Variants in CCDC92 observed in about 807,000 individuals in gnomAD.
CCDC92 encodes the protein coiled-coil domain-containing protein 92.
Under a neutral mutation model 24.9 loss-of-function variants are expected in CCDC92, and 12 were observed. That is an observed-to-expected ratio of 0.48 (90% CI 0.31 to 0.78). The LOEUF (loss-of-function observed/expected upper bound fraction) is 0.78, where lower values mean the gene tolerates loss of function less well. Ranked by LOEUF, CCDC92 falls within the 30% of genes least tolerant of loss-of-function variation. The pLI, the probability that CCDC92 is intolerant of heterozygous loss-of-function variation, is 0.05. For synonymous variants in CCDC92, 193 were observed against 196.3 expected (o/e 0.98, Z 0.14); for missense variants, 399 against 439.4 (o/e 0.91, Z 0.82).
chr12:123,969,167 A>T (rs1464911611), intron 1 of CCDC92, among the ~76,000 whole-genome samples: 1 of 152,188 alleles, frequency 6.6e-6, no homozygotes, highest in African/African-American at 2.4e-5. Context: ...CATCATTCTC[A>T]AGATTGGTTT....
At position 123,969,709 on chromosome 12, in the gene CCDC92, G is replaced by A. The variant is rs536895972; in HGVS notation, c.-60+2820C>T. ...GATCTCTTGACCTCGTGATCTGCCC[G>A]CCTCGGCCTCAGGAGTGAGCCACTG... is the stretch of plus-strand genomic sequence containing the variant. On this transcript the variant is annotated intron_variant, in intron 1 of 4. Transcript: ENST00000238156. 3.3e-5 allele frequency among the ~76,000 whole-genome samples: 5 copies of A among 152,010 alleles called. No individual in the cohort carries two copies. The South Asian group carries it at 8.3e-4, about 25-fold the overall frequency.
Position 123,936,224 on chromosome 12 carries a change from G to C in CCDC92, c.*834C>G, listed in dbSNP as rs185265289. The C allele has an allele frequency of 6.6e-6, 1 of 152,644 alleles. No individual in the cohort carries two copies. The highest frequency in any genetic ancestry group is 1.5e-5 in the Non-Finnish European group (1 of 68,278). 9.5% of individuals were successfully genotyped at this position (152,644 alleles called of 1,614,324 possible). ...GGGGCTAGCACGGGCAGCACAGTGG[G>C]CAGGGGCCATCAGAGGCAAAAGCAG... is the stretch of plus-strand genomic sequence containing the variant. On this transcript the variant is annotated 3_prime_UTR_variant, in exon 5 of 5. Coordinates refer to ENST00000238156, the MANE Select transcript of CCDC92 (RefSeq NM_025140.3).
intron 4 of CCDC92, among the ~76,000 whole-genome samples, chr12:123,942,421 T>C (rs1309448067): frequency 6.6e-6 from 1 of 152,256 alleles, no homozygotes; most frequent in African/African-American, 2.4e-5. Context: ...CTTTTGGGTT[T>C]AACTCACGTC....
intron 1 of CCDC92, 142 bp from the exon 2 acceptor site, chr12:123,944,506 A>G: frequency 1.9e-6 from 1 of 514,224 alleles, no homozygotes; most frequent in East Asian, 3.5e-5. Context: ...GACGCAGCCC[A>G]TTTGTAGGAT....
chr12:123,958,894 G>T (rs568620685), intron 1 of CCDC92, among the ~76,000 whole-genome samples: 4 of 152,132 alleles, frequency 2.6e-5, no homozygotes, highest in Non-Finnish European at 5.9e-5. Flanking sequence ...TGATCCTCTC[G>T]TCAGAATTCA....
At chr12:123,958,127 C>T (rs1956193040) in intron 1 of CCDC92, among the ~76,000 whole-genome samples, 1 of 152,156 alleles carries the variant, frequency 6.6e-6, no homozygotes, top group Non-Finnish European at 1.5e-5. Flanking sequence ...GATCTCAGCT[C>T]ACCACAACCT....
chr12:123,957,804 G>T (rs375032265), intron 1 of CCDC92, among the ~76,000 whole-genome samples: 3 of 136,094 alleles, frequency 2.2e-5, no homozygotes, highest in East Asian at 4.5e-4. Flanking sequence ...CACCTCCCAC[G>T]TTCAAGTGAT....
chr12:123,954,139 T>A (rs949190761), intron 1 of CCDC92, among the ~76,000 whole-genome samples: 5 of 152,114 alleles, frequency 3.3e-5, no homozygotes, highest in African/African-American at 1.2e-4. Context: ...CAAAGTAGTA[T>A]CATATGTTTT....
At chr12:123,947,799 C>T (rs1955917017) in intron 1 of CCDC92, among the ~76,000 whole-genome samples, 1 of 152,148 alleles carries the variant, frequency 6.6e-6, no homozygotes, top group Non-Finnish European at 1.5e-5. Flanking sequence ...AGTGGCAACC[C>T]GCTCGGGTCC....
chr12:123,963,133 C>T (rs117006952), intron 1 of CCDC92, among the ~76,000 whole-genome samples: 3 of 152,152 alleles, frequency 2.0e-5, no homozygotes, highest in South Asian at 4.1e-4. Flanking sequence ...CAGACCATAA[C>T]GCACAGGACA....
In CCDC92 at chr12:123,937,753, C is replaced by G. The variant is rs184378821; in HGVS notation, c.301G>C (p.Glu101Gln). 1.5e-5 allele frequency: 25 copies of G among 1,614,046 alleles called. No individual in the cohort carries two copies. Among genetic ancestry groups the G allele is most frequent in the Non-Finnish European group, 2.0e-5 (24 of 1,180,028 alleles). Reference sequence around the variant, plus strand: ...AGTTCTTTCAACAACTCAGCATTTTCGTTCTCTTTCACTTTCAGTTGGGCT... The same window carrying G: ...AGTTCTTTCAACAACTCAGCATTTTGGTTCTCTTTCACTTTCAGTTGGGCT... Reference protein sequence around the residue: ...LEAQLKVKENENAELLKELEQ... With the variant: ...LEAQLKVKENQNAELLKELEQ... Residue 101 changes from glutamate to glutamine, a missense_variant, in exon 5 of 5, where the codon GAA (glutamate) becomes CAA (glutamine). Transcript: ENST00000238156. The surrounding 1 kb of genome is among the most constrained non-coding windows in gnomAD (Gnocchi z 8.4).
chr12:123,972,249 T>C (rs879358986), intron 1 of CCDC92, among the ~76,000 whole-genome samples: 3 of 150,292 alleles, frequency 2.0e-5, no homozygotes, highest in Non-Finnish European at 4.4e-5. Context: ...GGCGCGGGGG[T>C]CGCCGAGCCT....
chr12:123,953,656 C>T (rs1360790771), intron 1 of CCDC92, among the ~76,000 whole-genome samples: 1 of 152,096 alleles, frequency 6.6e-6, no homozygotes. Flanking sequence ...CACACGCCTG[C>T]GGTCCTAGCT....
At chr12:123,949,568 C>T (rs1275485404) in intron 1 of CCDC92, among the ~76,000 whole-genome samples, 1 of 152,246 alleles carries the variant, frequency 6.6e-6, no homozygotes, top group Non-Finnish European at 1.5e-5. Flanking sequence ...CCAGCAGAAG[C>T]AATGCAAATG....
At chr12:123,949,105 A>G (rs1041866113) in intron 1 of CCDC92, among the ~76,000 whole-genome samples, 2 of 152,230 alleles carry the variant, frequency 1.3e-5, no homozygotes, top group Admixed American at 6.5e-5. Context: ...TAAAAGGGTC[A>G]GCGTGGCAGA....
rs758442339 is a variant in CCDC92 at position 123,937,319 on chromosome 12, T to C, written c.735A>G (p.Pro245=). 3.7e-6 allele frequency: 6 copies of C among 1,613,522 alleles called. No homozygotes were observed. The highest frequency in any genetic ancestry group is 4.2e-6 in the Non-Finnish European group (5 of 1,180,000). Residue 245 remains proline, a synonymous_variant, in exon 5 of 5, where the codon CCA becomes CCG. Transcript: ENST00000238156. This position sits in a 1 kb window ranked among gnomAD's most constrained non-coding sequence, Gnocchi z 8.4. ...EPVDAMPDPT[P]FLLARESAEV... ...CGGCGGACTCCCTAGCCAGCAGAAA[T>C]GGGGTGGGGTCGGGCATAGCATCCA...
At chr12:123,968,339 G>A (rs1443363897) in intron 1 of CCDC92, 1 of 152,176 alleles carries the variant, frequency 6.6e-6, no homozygotes, top group Non-Finnish European at 1.5e-5. Flanking sequence ...GATTAACAAA[G>A]AAGTCTTTAA....
intron 1 of CCDC92, among the ~76,000 whole-genome samples, chr12:123,958,487 A>T (rs1163679942): frequency 6.6e-6 from 1 of 152,240 alleles, no homozygotes; most frequent in African/African-American, 2.4e-5. Context: ...TGCCTTCCTG[A>T]AGTGCTCTCC....
chr12:123,943,135 A>ATCTC (rs1358658693), intron 3 of CCDC92, among the ~76,000 whole-genome samples: 1 of 152,242 alleles, frequency 6.6e-6, no homozygotes, highest in Non-Finnish European at 1.5e-5. Flanking sequence ...TTGTATTTTA[A>ATCTC]TCTCTTAAGT....
Sources: gnomAD v4.1 joint callset for allele counts (sites outside exome capture counted in the v4.1 genomes callset) on GRCh38, gnomAD v4.1.1 for gene constraint, Gnocchi (gnomAD v3.1) non-coding constraint, MANE v1.5 for transcripts, NCBI Gene and HGNC (gene_info 2026-07-23, HGNC 2026-07-21) for gene names.